The following CCDC178 variants were observed in gnomAD, a reference collection of about 807,000 sequenced individuals.
The protein encoded by CCDC178 is coiled-coil domain-containing protein 178.
Under a neutral mutation model 117.4 loss-of-function variants are expected in CCDC178, and 126 were observed. That is an observed-to-expected ratio of 1.07 (90% CI 0.93 to 1.24). The LOEUF is 1.24. CCDC178 is among the 50% of genes most tolerant of loss of function. The pLI, the probability that CCDC178 is intolerant of heterozygous loss-of-function variation, is 0.00. For synonymous variants in CCDC178, 283 were observed against 313.4 expected (o/e 0.90, Z 1.02); for missense variants, 1,030 against 986.9 (o/e 1.04, Z -0.59).
chr18:32,938,583 T>C (rs1264339686), intron 22 of CCDC178, among the ~76,000 whole-genome samples: 5 of 152,110 alleles, frequency 3.3e-5, no homozygotes, highest in Non-Finnish European at 7.4e-5. Flanking sequence ...GGAGTTTGCA[T>C]TGTAATGCAA....
chr18:32,997,452 C>T (rs1206550205), intron 21 of CCDC178, among the ~76,000 whole-genome samples: 1 of 152,190 alleles, frequency 6.6e-6, no homozygotes, highest in Non-Finnish European at 1.5e-5. Flanking sequence ...CAGCAGATAG[C>T]TTTCAGGGTC....
intron 21 of CCDC178, among the ~76,000 whole-genome samples, chr18:33,072,506 G>A (rs535630922): frequency 1.5e-4 from 23 of 152,232 alleles, no homozygotes; most frequent in Admixed American, 1.2e-3. Flanking sequence ...GAAAAGATAT[G>A]TGGAGGAAAC....
At chr18:33,237,701 G>A (rs2059441728) in intron 15 of CCDC178, among the ~76,000 whole-genome samples, 1 of 152,108 alleles carries the variant, frequency 6.6e-6, no homozygotes, top group Non-Finnish European at 1.5e-5. Flanking sequence ...CATGAGAAAC[G>A]GCCCCACAGG....
intron 5 of CCDC178, among the ~76,000 whole-genome samples, chr18:33,371,000 G>T (rs4541151): frequency 0.9 from 136,053 of 151,980 alleles, 62,827 homozygotes; most frequent in East Asian, 1. Context: ...CACAAAATAT[G>T]CTCAGCGCCT....
intron 21 of CCDC178, among the ~76,000 whole-genome samples, chr18:33,055,037 G>A (rs1482266726): frequency 2.0e-5 from 3 of 152,138 alleles, no homozygotes; most frequent in Admixed American, 6.5e-5. Flanking sequence ...CAGAGATGTC[G>A]AGCATTTTTT....
intron 20 of CCDC178, among the ~76,000 whole-genome samples, chr18:33,143,122 T>C (rs755895966): frequency 1.3e-5 from 2 of 152,154 alleles, no homozygotes; most frequent in East Asian, 1.9e-4. Context: ...GAGAGGGATA[T>C]AGAAAACCCT....
At chr18:32,989,123 C>A (rs931869508) in intron 21 of CCDC178, among the ~76,000 whole-genome samples, 33 of 152,054 alleles carry the variant, frequency 2.2e-4, no homozygotes, top group Middle Eastern at 6.8e-3. Flanking sequence ...AGAAGTCAAG[C>A]AAAACATGAA....
chr18:33,159,422 A>G (rs767306771), intron 20 of CCDC178, among the ~76,000 whole-genome samples: 1 of 152,150 alleles, frequency 6.6e-6, no homozygotes, highest in Non-Finnish European at 1.5e-5. Context: ...TCCAAAGATC[A>G]GAAGTCAGAA....
intron 15 of CCDC178, among the ~76,000 whole-genome samples, chr18:33,233,594 A>G (rs2059392918): frequency 6.6e-6 from 1 of 151,404 alleles, no homozygotes; most frequent in Admixed American, 6.6e-5. Context: ...TTTTTTTTTT[A>G]TCCTGAACAA....
intron 10 of CCDC178, among the ~76,000 whole-genome samples, chr18:33,325,637 G>A (rs2062574669): frequency 6.6e-6 from 1 of 151,506 alleles, no homozygotes; most frequent in South Asian, 2.1e-4. Flanking sequence ...CCAGCTTTAG[G>A]GTTTATTATT....
chr18:33,007,484 G>A (rs902763093), intron 21 of CCDC178, among the ~76,000 whole-genome samples: 1 of 151,848 alleles, frequency 6.6e-6, no homozygotes, highest in African/African-American at 2.4e-5. Context: ...TAAGGGTCAG[G>A]TATTCATTGT....
At position 33,018,836 on chromosome 18, in the gene CCDC178, TA is replaced by T. The variant is rs539922762; in HGVS notation, c.2389-44156del. Among the ~76,000 whole-genome samples the T allele has an allele frequency of 4.3e-3, 650 of 152,052 alleles. 7 individuals carry two copies. Among genetic ancestry groups the T allele is most frequent in the African/African-American group, 0.015 (609 of 41,508 alleles). ...TGATGGTTGTACAAATCTGTGAATA[TA>T]AAAAAAATCATGGAAATGTATACTT... On this transcript the variant is annotated intron_variant, in intron 21 of 22. Coordinates refer to ENST00000383096, the MANE Select transcript of CCDC178 (RefSeq NM_001105528.4).
chr18:33,347,751 C>G (rs2062916658), intron 8 of CCDC178, among the ~76,000 whole-genome samples: 2 of 151,998 alleles, frequency 1.3e-5, no homozygotes, highest in African/African-American at 4.8e-5. Context: ...CAAAGGTGTT[C>G]ATTATGTTTC....
At chr18:33,335,079 T>C (rs2062721813) in intron 9 of CCDC178, among the ~76,000 whole-genome samples, 1 of 152,044 alleles carries the variant, frequency 6.6e-6, no homozygotes, top group Non-Finnish European at 1.5e-5. Context: ...ATGCTCTTTC[T>C]ACTGAGCCAA....
intron 20 of CCDC178, among the ~76,000 whole-genome samples, chr18:33,179,122 ATATATAAAC>A (rs1333499240): frequency 1.7e-4 from 18 of 106,674 alleles, no homozygotes; most frequent in Non-Finnish European, 3.9e-4. Context: ...CTATATATAT[ATATATAAAC>A]TATATATATA....
chr18:33,322,082 C>T (rs1025155911), intron 11 of CCDC178, among the ~76,000 whole-genome samples: 2 of 151,760 alleles, frequency 1.3e-5, no homozygotes, highest in African/African-American at 2.4e-5. Context: ...ATATTAACAA[C>T]TTCAAATTTG....
intron 11 of CCDC178, among the ~76,000 whole-genome samples, chr18:33,319,262 A>G (rs565024706): frequency 4.6e-5 from 7 of 151,850 alleles, no homozygotes; most frequent in East Asian, 1.9e-4. Flanking sequence ...TCGGTGTTCA[A>G]TTCCCACCGA....
intron 5 of CCDC178, among the ~76,000 whole-genome samples, chr18:33,371,732 C>T (rs911295550): frequency 5.4e-5 from 8 of 149,218 alleles, no homozygotes; most frequent in African/African-American, 2.0e-4. Context: ...CTTGCTATAA[C>T]TATTTTTTGT....
chr18:33,258,265 A>G (rs1448255707), intron 14 of CCDC178, among the ~76,000 whole-genome samples: 1 of 151,990 alleles, frequency 6.6e-6, no homozygotes, highest in Non-Finnish European at 1.5e-5. Flanking sequence ...CCTTACCAAC[A>G]TTTGTCTCTG....
Sources: gnomAD v4.1 joint callset for allele counts (sites outside exome capture counted in the v4.1 genomes callset) on GRCh38, gnomAD v4.1.1 for gene constraint, MANE v1.5 for transcripts, NCBI Gene and HGNC (gene_info 2026-07-23, HGNC 2026-07-21) for gene names.